FCHO2: variants seen among roughly 807,000 people sequenced by gnomAD.
FCHO2 encodes the protein F-BAR domain only protein 2.
Under a neutral mutation model 114.1 loss-of-function variants are expected in FCHO2, and 43 were observed. That is an observed-to-expected ratio of 0.38 (90% CI 0.30 to 0.49). FCHO2 has a LOEUF of 0.49. FCHO2 is among the 20% of genes least tolerant of loss of function. FCHO2 has a pLI of 0.97. For missense variants in FCHO2, 807 were observed against 950.4 expected (o/e 0.85, Z 1.98); for synonymous variants, 293 against 315.2 (o/e 0.93, Z 0.75).
intron 15 of FCHO2, chr5:73,054,938 T>C (rs776555039): frequency 5.8e-6 from 1 of 171,298 alleles, no homozygotes; most frequent in South Asian, 1.3e-4. Context: ...AATTTAATTA[T>C]ACTAAAAATT....
chr5:73,058,187 T>C (rs1757689871), intron 16 of FCHO2, among the ~76,000 whole-genome samples: 1 of 151,886 alleles, frequency 6.6e-6, no homozygotes, highest in South Asian at 2.1e-4. Context: ...AAAAAAATTT[T>C]TTTGTGTATA....
rs200002045 is a variant in FCHO2, at chr5:73,037,178, C to T, written c.877C>T (p.Pro293Ser). 1.5e-4 allele frequency: 238 copies of T among 1,591,920 alleles called. 1 individual carries two copies. Among genetic ancestry groups the T allele is most frequent in the Non-Finnish European group, 1.9e-4 (226 of 1,169,436 alleles). The change falls in exon 10 of 26, where the codon CCA (proline) becomes TCA (serine). Residue 293 changes from proline to serine, a missense_variant. Pro to Ser is a moderately conservative substitution (Grantham distance 74). Transcript: ENST00000430046. Reference protein sequence around the residue: ...KPRKRKTFALPGIIKKEKDAE... With the variant: ...KPRKRKTFALSGIIKKEKDAE... ...AAGGAAAAGAAAGACCTTTGCTTTG[C>T]CAGGAATCATTAAAAAGGAAAAAGA...
intron 11 of FCHO2, among the ~76,000 whole-genome samples, chr5:73,045,801 A>G (rs901521462): frequency 1.3e-5 from 2 of 152,198 alleles, no homozygotes; most frequent in African/African-American, 4.8e-5. Context: ...CATTCTGCCA[A>G]TCTCTGCCTT....
At chr5:72,972,610 A>G (rs926307586) in intron 2 of FCHO2, among the ~76,000 whole-genome samples, 7 of 152,282 alleles carry the variant, frequency 4.6e-5, no homozygotes, top group South Asian at 2.1e-4. Flanking sequence ...GGCTGAGACA[A>G]TGGGGTTTTC....
intron 20 of FCHO2, among the ~76,000 whole-genome samples, chr5:73,075,869 T>C (rs1283017855): frequency 1.3e-5 from 2 of 151,632 alleles, no homozygotes; most frequent in South Asian, 2.1e-4. Context: ...AAATGTTGAA[T>C]TGATACTTGG....
intron 8 of FCHO2, among the ~76,000 whole-genome samples, chr5:73,023,643 C>G (rs1007580558): frequency 6.6e-6 from 1 of 151,128 alleles, no homozygotes; most frequent in Non-Finnish European, 1.5e-5. Context: ...GAGGTTGCAG[C>G]GAGCTCAGAT....
intron 6 of FCHO2, among the ~76,000 whole-genome samples, chr5:73,007,660 A>G (rs1157839805): frequency 2.6e-5 from 4 of 152,220 alleles, no homozygotes; most frequent in African/African-American, 9.6e-5. Context: ...TTTACCTACA[A>G]TGGCATAGAC....
At chr5:73,054,626 C>G in intron 15 of FCHO2, 77 bp downstream of exon 15, 1 of 1,078,324 alleles carries the variant, frequency 9.3e-7, no homozygotes, top group Non-Finnish European at 1.4e-6. Context: ...TTACCTTTAG[C>G]TGTAGAAATA....
At chr5:73,044,342 A>G (rs1260593434) in intron 11 of FCHO2, among the ~76,000 whole-genome samples, 1 of 152,172 alleles carries the variant, frequency 6.6e-6, no homozygotes, top group Admixed American at 6.5e-5. Flanking sequence ...AGGCTCAGCC[A>G]TTCCTCCCAT....
At chr5:73,083,753 G>A (rs895261117) in intron 24 of FCHO2, among the ~76,000 whole-genome samples, 9 of 152,070 alleles carry the variant, frequency 5.9e-5, no homozygotes, top group Non-Finnish European at 1.0e-4. Context: ...TTAGCTGGGC[G>A]TCATGGTGCA....
chr5:72,988,491 G>A (rs373922075), intron 2 of FCHO2, among the ~76,000 whole-genome samples: 1 of 152,138 alleles, frequency 6.6e-6, no homozygotes, highest in Non-Finnish European at 1.5e-5. Context: ...TTACATGTCT[G>A]TAGGATAATT....
chr5:72,990,727 G>A lies in FCHO2; in HGVS notation c.358G>A (p.Ala120Thr). 1 of 1,556,058 alleles carries A rather than the reference G, an allele frequency of 6.4e-7. No individual in the cohort carries two copies. Among genetic ancestry groups the A allele is most frequent in the South Asian group, 1.2e-5 (1 of 82,994 alleles). The change falls in exon 5 of 26, where the codon GCA (alanine) becomes ACA (threonine). Residue 120 changes from alanine to threonine, a missense_variant. Physicochemically the swap from Ala to Thr is moderately conservative, Grantham distance 58 (BLOSUM62 0). Coordinates refer to ENST00000430046, the MANE Select transcript of FCHO2 (RefSeq NM_138782.3). ...KSHKKTKEEV[A>T]GTLEAVQTIQ... ...TACTAAACAGACTAAAGAAGAAGTT[G>A]CAGGAACTCTGGAAGCTGTCCAAAC...
At chr5:73,046,796 C>A (rs1757081176) in intron 11 of FCHO2, among the ~76,000 whole-genome samples, 1 of 152,128 alleles carries the variant, frequency 6.6e-6, no homozygotes, top group African/African-American at 2.4e-5. Context: ...CTTCACCCTA[C>A]ATTAGGTTTT....
At chr5:73,046,772 C>T (rs552701882) in intron 11 of FCHO2, among the ~76,000 whole-genome samples, 1 of 152,228 alleles carries the variant, frequency 6.6e-6, no homozygotes, top group South Asian at 2.1e-4. Context: ...ATCTTTTTAT[C>T]CGTGGAATCT....
intron 17 of FCHO2, among the ~76,000 whole-genome samples, chr5:73,060,125 A>G (rs974495937): frequency 1.3e-5 from 2 of 151,920 alleles, no homozygotes; most frequent in African/African-American, 4.8e-5. Flanking sequence ...CTCCCTGTCT[A>G]AAGAGTGTTT....
intron 2 of FCHO2, among the ~76,000 whole-genome samples, chr5:72,982,335 G>C (rs1386415203): frequency 6.6e-6 from 1 of 152,200 alleles, no homozygotes; most frequent in South Asian, 2.1e-4. Flanking sequence ...GGGAGCTGCA[G>C]ACTGGAGCTG....
intron 18 of FCHO2, among the ~76,000 whole-genome samples, chr5:73,067,643 A>G (rs1165758175): frequency 6.6e-6 from 1 of 151,970 alleles, no homozygotes; most frequent in African/African-American, 2.4e-5. Context: ...ATGTTCCTCA[A>G]ATAACTGAGG....
At chr5:72,983,811 C>G (rs1031876427) in intron 2 of FCHO2, among the ~76,000 whole-genome samples, 1 of 151,410 alleles carries the variant, frequency 6.6e-6, no homozygotes, top group African/African-American at 2.4e-5. Flanking sequence ...GGTTTTTTTT[C>G]TATTACCAAG....
At chr5:73,037,361 A>T in intron 10 of FCHO2, 146 bp downstream of exon 10, 1 of 383,996 alleles carries the variant, frequency 2.6e-6, no homozygotes, top group East Asian at 7.0e-5. Context: ...TCTAAATATT[A>T]ATAAATACAT....
Sources: allele counts gnomAD v4.1 joint callset (sites outside exome capture counted in the v4.1 genomes callset), GRCh38; gene constraint gnomAD v4.1.1; transcripts MANE v1.5; gene names NCBI Gene and HGNC (gene_info 2026-07-23, HGNC 2026-07-21).